Variants in DISP1 observed in about 807,000 individuals in gnomAD.
The protein encoded by DISP1 is protein dispatched homolog 1.
In DISP1, 30 loss-of-function variants were observed where a neutral mutation model predicts 37.3. The observed-to-expected ratio is 0.80, with a 90% CI of 0.60 to 1.09. The LOEUF (loss-of-function observed/expected upper bound fraction) is 1.09. Ranked by LOEUF, DISP1 falls within the 50% of genes least tolerant of loss-of-function variation. The pLI is 0.00. For synonymous variants in DISP1, 634 were observed against 690.2 expected (o/e 0.92, Z 1.28); for missense variants, 1,598 against 1,879.5 (o/e 0.85, Z 2.77).
At chr1:222,899,136 C>T (rs1671443436) in intron 1 of DISP1, among the ~76,000 whole-genome samples, 3 of 152,022 alleles carry the variant, frequency 2.0e-5, no homozygotes, top group Non-Finnish European at 2.9e-5. Context: ...TTGATTCCTA[C>T]AGCAAGGCCA....
At chr1:222,836,784 T>A (rs1667186172) in intron 1 of DISP1, 1 of 237,826 alleles carries the variant, frequency 4.2e-6, no homozygotes, top group Non-Finnish European at 7.9e-6. Flanking sequence ...CACACACACC[T>A]ATTGTTATTT....
In DISP1 at chr1:223,004,094, G is replaced by C. The variant is rs1217272059; in HGVS notation, c.2697G>C (p.Arg899Ser). Residue 899 changes from arginine (R) to serine (S), a missense_variant, in exon 9 of 9, where the codon AGG (arginine) becomes AGC (serine). By Grantham distance (110) the Arg-to-Ser change is moderately radical. Transcript: ENST00000675850. The surrounding 1 kb of genome is among the most constrained non-coding windows in gnomAD (Gnocchi z 4.9). ...AGAGAGCTATCATGGAGCTGGAAAG[G>C]AGTACAGGGTACCATTTGGATAGCA... ...CIKRAIMELERSTGYHLDSKT... is the reference protein window; with the variant it reads ...CIKRAIMELESSTGYHLDSKT... 1.2e-6 allele frequency: 2 copies of C among 1,614,170 alleles called. No homozygotes were observed. Among genetic ancestry groups the C allele is most frequent in the Admixed American group, 3.3e-5 (2 of 60,022 alleles).
chr1:222,826,084 G>T (rs1018127267), intron 1 of DISP1, among the ~76,000 whole-genome samples: 1 of 151,932 alleles, frequency 6.6e-6, no homozygotes, highest in Non-Finnish European at 1.5e-5. Flanking sequence ...AAATTGTTTT[G>T]TAGAGACAGA....
chr1:222,816,102 T>TAA (rs1427486315), intron 1 of DISP1, among the ~76,000 whole-genome samples: 1 of 142,422 alleles, frequency 7.0e-6, no homozygotes, highest in Non-Finnish European at 1.5e-5. Context: ...TATATATATA[T>TAA]AAATATTTGC....
At chr1:222,829,193 T>A (rs1438159507) in intron 1 of DISP1, among the ~76,000 whole-genome samples, 2 of 152,210 alleles carry the variant, frequency 1.3e-5, no homozygotes, top group African/African-American at 2.4e-5. Context: ...CATTAAGTAT[T>A]GTTTTCCCTT....
intron 1 of DISP1, among the ~76,000 whole-genome samples, chr1:222,889,600 A>G (rs1432933750): frequency 1.3e-5 from 2 of 152,000 alleles, no homozygotes; most frequent in East Asian, 3.9e-4. Flanking sequence ...TATTATAACT[A>G]CATGAACTAT....
chr1:222,919,753 C>G (rs1672707082), intron 1 of DISP1, among the ~76,000 whole-genome samples: 1 of 152,188 alleles, frequency 6.6e-6, no homozygotes, highest in Admixed American at 6.5e-5. Flanking sequence ...ACTCCCTCTA[C>G]ATTAGTGAAA....
intron 1 of DISP1, among the ~76,000 whole-genome samples, chr1:222,849,091 A>C (rs1335886589): frequency 6.6e-6 from 1 of 152,174 alleles, no homozygotes; most frequent in Non-Finnish European, 1.5e-5. Flanking sequence ...TAATAAAATG[A>C]TGGTAATTTC....
chr1:222,989,464 A>G, intron 4 of DISP1: 1 of 985,458 alleles, frequency 1.0e-6, no homozygotes, highest in Non-Finnish European at 1.2e-6. Context: ...AAGTGCCAAA[A>G]TAATAACGTG....
chr1:222,890,338 AT>A (rs1232223659), intron 1 of DISP1, among the ~76,000 whole-genome samples: 2 of 152,216 alleles, frequency 1.3e-5, no homozygotes, highest in Non-Finnish European at 2.9e-5. Flanking sequence ...AAGTGCTTAA[AT>A]AAATGATTAA....
At position 222,925,521 on chromosome 1, in the gene DISP1, A is replaced by G. The variant is rs574392817; in HGVS notation, c.-158-2909A>G. Among the ~76,000 whole-genome samples, 11 of 152,300 alleles carry G rather than the reference A, an allele frequency of 7.2e-5. 1 individual carries two copies. In the South Asian group the frequency reaches 1.7e-3, roughly 23 times the overall value. ...TTTGGCATACATATGACATGAAATCAGCATACCCTAAGATTTTAGGGATTG... is the reference window on the plus strand; with the variant it reads ...TTTGGCATACATATGACATGAAATCGGCATACCCTAAGATTTTAGGGATTG... On this transcript the variant is annotated intron_variant, in intron 1 of 8. Coordinates refer to ENST00000675850, the MANE Select transcript of DISP1 (RefSeq NM_001377229.1).
chr1:222,854,466 G>T (rs1044996931), intron 1 of DISP1, among the ~76,000 whole-genome samples: 14 of 152,042 alleles, frequency 9.2e-5, no homozygotes, highest in Non-Finnish European at 1.8e-4. Context: ...GGGGGAAACT[G>T]CCCCCATGAT....
intron 2 of DISP1, among the ~76,000 whole-genome samples, chr1:222,934,917 C>A (rs557126435): frequency 1.9e-3 from 283 of 152,220 alleles, no homozygotes; most frequent in African/African-American, 6.4e-3. Context: ...AAATGTGTTA[C>A]ATTTCTTTGC....
intron 8 of DISP1, among the ~76,000 whole-genome samples, chr1:222,998,587 T>C (rs1679233088): frequency 6.6e-6 from 1 of 152,156 alleles, no homozygotes; most frequent in South Asian, 2.1e-4. Flanking sequence ...CAAAAGGAGC[T>C]TCAGTTGATT....
At chr1:222,825,140 G>GA (rs1664003283) in intron 1 of DISP1, among the ~76,000 whole-genome samples, 1 of 141,196 alleles carries the variant, frequency 7.1e-6, no homozygotes, top group Non-Finnish European at 1.5e-5. Flanking sequence ...TCTCCCCAGG[G>GA]ATGGGGAATG....
chr1:222,849,238 A>C (rs904281374), intron 1 of DISP1, among the ~76,000 whole-genome samples: 3 of 152,212 alleles, frequency 2.0e-5, no homozygotes, highest in African/African-American at 7.2e-5. Flanking sequence ...TTTGTTCCAC[A>C]CCTGTGACAA....
chr1:222,932,630 G>T (rs1052994241), intron 2 of DISP1, among the ~76,000 whole-genome samples: 3 of 151,932 alleles, frequency 2.0e-5, no homozygotes, highest in African/African-American at 7.2e-5. Flanking sequence ...AGAAATTAGT[G>T]CAGCTTAATG....
At chr1:222,821,865 T>G in intron 1 of DISP1, among the ~76,000 whole-genome samples, 1 of 128,172 alleles carries the variant, frequency 7.8e-6, no homozygotes, top group Non-Finnish European at 1.6e-5. Context: ...GATGACAGAG[T>G]GAGACTCCAT....
intron 1 of DISP1, among the ~76,000 whole-genome samples, chr1:222,917,244 C>T (rs891937679): frequency 1.3e-5 from 2 of 150,610 alleles, no homozygotes; most frequent in Non-Finnish European, 3.0e-5. Context: ...TTTGTCCCCC[C>T]TTCATTCAGT....
Sources: gnomAD v4.1 joint callset for allele counts (sites outside exome capture counted in the v4.1 genomes callset) on GRCh38, gnomAD v4.1.1 for gene constraint, Gnocchi (gnomAD v3.1) non-coding constraint, MANE v1.5 for transcripts, NCBI Gene and HGNC (gene_info 2026-07-23, HGNC 2026-07-21) for gene names.